The following PIWIL2 variants were observed in gnomAD, a reference collection of about 807,000 sequenced individuals.
The protein encoded by PIWIL2 is piwi like RNA-mediated gene silencing 2, also known as piwi-like protein 2.
PIWIL2 carries 81 observed loss-of-function variants against 116.5 expected under a neutral mutation model. The ratio of observed to expected loss-of-function variants is 0.70; its 90% CI spans 0.58 to 0.84. The LOEUF (loss-of-function observed/expected upper bound fraction) is 0.84. PIWIL2 is among the 40% of genes least tolerant of loss of function. The probability of loss-of-function intolerance (pLI) is 0.00; values close to 1 mark genes in which losing one functional copy is unlikely to be tolerated. For synonymous variants in PIWIL2, 489 were observed against 429.5 expected, an observed-to-expected ratio of 1.14 and a Z score of -1.71; for missense variants, 1,272 against 1,212.3, an observed-to-expected ratio of 1.05 and a Z score of -0.73.
rs960392092 is a variant in PIWIL2, at chr8:22,311,313, T to C, written c.1989+13T>C. On this transcript the variant is annotated intron_variant, in intron 16 of 22. Coordinates refer to ENST00000356766, the MANE Select transcript of PIWIL2 (RefSeq NM_018068.5). ...GTTAGGAGCTGAGGTAAAAATGTAA[T>C]TCAAATAAATTTATAGGATGTCCAT... 5 of 1,579,980 alleles carry C rather than the reference T, an allele frequency of 3.2e-6. No individual in the cohort carries two copies. Among genetic ancestry groups the C allele is most frequent in the Non-Finnish European group, 4.3e-6 (5 of 1,158,848 alleles).
chr8:22,282,329 G>A lies in PIWIL2; in HGVS notation c.426-705G>A, dbSNP rs570943718. Reference sequence around the variant, plus strand: ...TGCAGTGGCACGATCTTGGCTCACTGCAACCTCCGCCTCACACCCAGCTAA... The same window carrying A: ...TGCAGTGGCACGATCTTGGCTCACTACAACCTCCGCCTCACACCCAGCTAA... On this transcript the variant is annotated intron_variant, in intron 4 of 22. Coordinates refer to ENST00000356766, the MANE Select transcript of PIWIL2 (RefSeq NM_018068.5). 8.8e-5 allele frequency among the ~76,000 whole-genome samples: 11 copies of A among 125,298 alleles called. No homozygotes were observed. In the East Asian group the frequency reaches 1.6e-3, roughly 18 times the overall value. The allele number at this position is 125,298 out of a possible 152,430, so 82.2% of individuals were successfully genotyped here.
chr8:22,287,802 C>G (rs530746586), intron 7 of PIWIL2, among the ~76,000 whole-genome samples, 157 bp downstream of exon 7: 2 of 152,194 alleles, frequency 1.3e-5, no homozygotes, highest in Admixed American at 1.3e-4. Context: ...AGCCACTTCA[C>G]CTGGCCCAGG....
Position 22,309,943 on chromosome 8 carries a change from G to T in PIWIL2, c.1687-18G>T. ...GTTTGAAAAGGCTCATGTCATAGAT[G>T]GTTTATTTTCTGTTTAGATTGAAGG... On this transcript the variant is annotated intron_variant, in intron 14 of 22. Coordinates refer to ENST00000356766, the MANE Select transcript of PIWIL2 (RefSeq NM_018068.5). 4 of 1,435,946 alleles carry T rather than the reference G, an allele frequency of 2.8e-6. No homozygotes were observed. The highest frequency in any genetic ancestry group is 1.8e-4 in the Middle Eastern group (1 of 5,708). The allele number at this position is 1,435,946 out of a possible 1,614,324, so 89.0% of individuals were successfully genotyped here. A position where few individuals can be genotyped will look rare whatever the true frequency, so the allele number is the denominator to read the frequency against.
rs745956249 is a variant in PIWIL2 at position 22,311,142 on chromosome 8, C to T, written c.1831C>T (p.Pro611Ser). The T allele has an allele frequency of 1.6e-5, 26 of 1,612,250 alleles. No homozygotes were observed. The Admixed American group carries it at 3.7e-4, about 23-fold the overall frequency. Residue 611 changes from proline to serine, a missense_variant, in exon 16 of 23, where the codon CCA becomes TCA. Coordinates refer to ENST00000356766, the MANE Select transcript of PIWIL2 (RefSeq NM_018068.5). Reference sequence around the variant, plus strand: ...CATGCATTTCTGGGCACTTTTTTACCCAAAGAGAGCAATGGACCAGGCTCG... The same window carrying T: ...CATGCATTTCTGGGCACTTTTTTACTCAAAGAGAGCAATGGACCAGGCTCG... ...IPMHFWALFY[P>S]KRAMDQAREL...
intron 12 of PIWIL2, among the ~76,000 whole-genome samples, chr8:22,305,408 A>G (rs1347498354): frequency 6.6e-6 from 1 of 151,990 alleles, no homozygotes; most frequent in African/African-American, 2.4e-5. Flanking sequence ...TAGCCAGGAT[A>G]GTCTCGATCT....
chr8:22,311,788 G>T (rs971947681), intron 16 of PIWIL2, among the ~76,000 whole-genome samples: 1 of 152,164 alleles, frequency 6.6e-6, no homozygotes, highest in Non-Finnish European at 1.5e-5. Context: ...AGGCTTTTCA[G>T]TTCTTACCTG....
intron 20 of PIWIL2, among the ~76,000 whole-genome samples, chr8:22,323,958 A>C (rs900370138): frequency 6.6e-6 from 1 of 152,164 alleles, no homozygotes; most frequent in Non-Finnish European, 1.5e-5. Context: ...CTCCCAAGGC[A>C]CCAGTAGAAT....
At chr8:22,315,206 GTT>G in intron 18 of PIWIL2, 61 bp downstream of exon 18, 1 of 945,616 alleles carries the variant, frequency 1.1e-6, no homozygotes, top group East Asian at 2.4e-5. Context: ...CTGTTTTCCT[GTT>G]TTTCCTTATT....
intron 7 of PIWIL2, among the ~76,000 whole-genome samples, chr8:22,287,904 A>G (rs575156993): frequency 6.6e-6 from 1 of 152,182 alleles, no homozygotes; most frequent in African/African-American, 2.4e-5. Flanking sequence ...TTTCTGCAGG[A>G]CATCACAGCA....
chr8:22,328,529 T>C (rs1354410404), intron 20 of PIWIL2, among the ~76,000 whole-genome samples: 1 of 152,186 alleles, frequency 6.6e-6, no homozygotes, highest in Non-Finnish European at 1.5e-5. Flanking sequence ...TGAAGAGTAT[T>C]GTCATCTTAA....
intron 10 of PIWIL2, among the ~76,000 whole-genome samples, chr8:22,294,951 G>C (rs890114375): frequency 6.7e-6 from 1 of 149,378 alleles, no homozygotes; most frequent in South Asian, 2.2e-4. Context: ...TGGTGGCGCA[G>C]GGCTGTAGTC....
chr8:22,288,398 T>A (rs1399996226), intron 7 of PIWIL2, 144 bp from the exon 8 acceptor site: 1 of 514,994 alleles, frequency 1.9e-6, no homozygotes, highest in East Asian at 3.0e-5. Context: ...CTTTTGCTAG[T>A]GTGGGCAACA....
chr8:22,332,922 A>T (rs1267198268), intron 20 of PIWIL2, among the ~76,000 whole-genome samples: 1 of 152,152 alleles, frequency 6.6e-6, no homozygotes, highest in East Asian at 1.9e-4. Context: ...AGTGACCATT[A>T]TGAAGGTAAA....
In PIWIL2 at chr8:22,287,554, G is replaced by A; in HGVS notation, c.770G>A (p.Arg257Lys). ...CCCAATGTGGAGTGCAAAAGCATGA[G>A]GTTCGGCATGTTGAAGGACCATCAA... is the stretch of plus-strand genomic sequence containing the variant. ...FSPNVECKSM[R>K]FGMLKDHQAV... The change falls in exon 7 of 23, where the codon AGG becomes AAG. Residue 257 changes from arginine to lysine, a missense_variant. By Grantham distance (26) the Arg-to-Lys change is conservative (BLOSUM62 2). Transcript: ENST00000356766. The A allele has an allele frequency of 6.2e-7, 1 of 1,613,478 alleles. No individual in the cohort carries two copies. Among genetic ancestry groups the A allele is most frequent in the Non-Finnish European group, 8.5e-7 (1 of 1,179,412 alleles).
At chr8:22,280,821 A>T (rs1367952636) in intron 2 of PIWIL2, among the ~76,000 whole-genome samples, 2 of 136,704 alleles carry the variant, frequency 1.5e-5, no homozygotes, top group Non-Finnish European at 3.3e-5. Flanking sequence ...TGGAAAAATT[A>T]ACTCTGTTCT....
chr8:22,354,270 G>A lies in PIWIL2; in HGVS notation c.2658-1G>A, dbSNP rs1489030903. The A allele has an allele frequency of 6.3e-7, 1 of 1,598,878 alleles. No individual in the cohort carries two copies. Among genetic ancestry groups the A allele is most frequent in the Non-Finnish European group, 8.6e-7 (1 of 1,166,236 alleles). ...CACTGATTTATGGTTTTCCTTCCTA[G>A]GGTGGATTTCTATCTTCTTGCCCAT... On this transcript the variant is annotated splice_acceptor_variant, in intron 21 of 22. Coordinates refer to ENST00000356766, the MANE Select transcript of PIWIL2 (RefSeq NM_018068.5). LOFTEE classifies it high-confidence loss of function.
chr8:22,350,632 A>T (rs932518475), intron 20 of PIWIL2, among the ~76,000 whole-genome samples: 1 of 152,130 alleles, frequency 6.6e-6, no homozygotes, highest in Admixed American at 6.6e-5. Flanking sequence ...AACTGGTGCA[A>T]TCTGAGACTG....
chr8:22,281,767 ATT>A lies in PIWIL2; in HGVS notation c.425+273_425+274del, dbSNP rs1313870060. ...TTAAAAAATTACCCTGATCATGGTG[ATT>A]TTTTTTTTTTTTTTTTTTTTGAGAT... On this transcript the variant is annotated intron_variant, in intron 4 of 22. Coordinates refer to ENST00000356766, the MANE Select transcript of PIWIL2 (RefSeq NM_018068.5). Among the ~76,000 whole-genome samples the A allele has an allele frequency of 4.7e-3, 551 of 118,490 alleles. 4 individuals are homozygous for A. Among genetic ancestry groups the A allele is most frequent in the African/African-American group, 0.016 (498 of 31,572 alleles). 77.7% of individuals were successfully genotyped at this position (118,490 alleles called of 152,430 possible). A position where few individuals can be genotyped will look rare whatever the true frequency, so the allele number is the denominator to read the frequency against.
At chr8:22,317,970 C>G (rs1039072568) in intron 19 of PIWIL2, among the ~76,000 whole-genome samples, 200 bp from the exon 20 acceptor site, 2 of 152,100 alleles carry the variant, frequency 1.3e-5, no homozygotes, top group Non-Finnish European at 2.9e-5. Flanking sequence ...CACAATTACA[C>G]GTTTTTATGT....
Sources: gnomAD v4.1 joint callset for allele counts (sites outside exome capture counted in the v4.1 genomes callset) on GRCh38, gnomAD v4.1.1 for gene constraint, MANE v1.5 for transcripts, NCBI Gene and HGNC (gene_info 2026-07-23, HGNC 2026-07-21) for gene names.